The following RBFOX1 variants were observed in gnomAD, a reference collection of about 807,000 sequenced individuals.
RBFOX1 encodes the protein RNA binding fox-1 homolog 1, also known as RNA binding protein fox-1 homolog 1.
In RBFOX1, 8 loss-of-function variants were observed where a neutral mutation model predicts 57.7. The ratio of observed to expected loss-of-function variants is 0.14; its 90% CI spans 0.08 to 0.25. RBFOX1 has a LOEUF of 0.25. RBFOX1 is among the 10% of genes least tolerant of loss of function. RBFOX1 has a pLI of 1.00. For synonymous variants in RBFOX1, 326 were observed against 222.4 expected, an observed-to-expected ratio of 1.47 and a Z score of -4.15; for missense variants, 611 against 548.5, an observed-to-expected ratio of 1.11 and a Z score of -1.14.
intron 4 of RBFOX1, among the ~76,000 whole-genome samples, chr16:7,130,411 A>G (rs1041310108): frequency 6.6e-6 from 1 of 152,182 alleles, no homozygotes; most frequent in African/African-American, 2.4e-5. Flanking sequence ...CTCTGAGCGT[A>G]TTCACATTAT....
intron 1 of RBFOX1, among the ~76,000 whole-genome samples, chr16:6,270,800 G>T (rs1274378035): frequency 6.6e-6 from 1 of 152,008 alleles, no homozygotes; most frequent in Non-Finnish European, 1.5e-5. Flanking sequence ...GAGATATCCT[G>T]GGCCATAAAA....
At chr16:7,616,065 G>A (rs2058388688) in intron 10 of RBFOX1, among the ~76,000 whole-genome samples, 1 of 152,204 alleles carries the variant, frequency 6.6e-6, no homozygotes, top group Non-Finnish European at 1.5e-5. Context: ...CTCCAGAAGG[G>A]AAAAGCATAA....
intron 4 of RBFOX1, among the ~76,000 whole-genome samples, chr16:7,285,662 A>G (rs557982016): frequency 6.6e-6 from 1 of 151,870 alleles, no homozygotes; most frequent in Admixed American, 6.6e-5. Flanking sequence ...ACATTTTTTG[A>G]TCAACGTAAT....
At position 7,187,249 on chromosome 16, in the gene RBFOX1, A is replaced by G. The variant is rs117720331; in HGVS notation, c.27+135151A>G. ...GAAATCATATGTAAGAAGAGTAGGA[A>G]CAAGTAGCATAACACAGGATATAAA... On this transcript the variant is annotated intron_variant, in intron 4 of 15. Transcript: ENST00000550418. Among the ~76,000 whole-genome samples, 1,486 of 152,258 alleles carry G rather than the reference A, an allele frequency of 9.8e-3. 58 individuals carry two copies. The East Asian group carries it at 0.12, about 12-fold the overall frequency.
At chr16:5,678,471 T>A (rs1002917570) in intron 3 of RBFOX1, among the ~76,000 whole-genome samples, 3 of 152,196 alleles carry the variant, frequency 2.0e-5, no homozygotes, top group African/African-American at 7.2e-5. Context: ...ATTTAGGGCA[T>A]ATGTGCAAGC....
rs559938490 is a variant in RBFOX1 at position 6,271,392 on chromosome 16, C to G, written c.-126-45603C>G. Among the ~76,000 whole-genome samples the G allele has an allele frequency of 2.0e-5, 3 of 152,090 alleles. No homozygotes were observed. The South Asian group carries it at 6.2e-4, about 32-fold the overall frequency. On this transcript the variant is annotated intron_variant, in intron 1 of 15. Transcript: ENST00000550418. ...TGAGTCGAGAGTGACCACTGCACTTCAGCTGGAGCGACAGAGCAAGACCCT... is the reference window on the plus strand; with the variant it reads ...TGAGTCGAGAGTGACCACTGCACTTGAGCTGGAGCGACAGAGCAAGACCCT...
intron 2 of RBFOX1, among the ~76,000 whole-genome samples, chr16:5,557,250 A>G (rs981509736): frequency 6.7e-6 from 1 of 149,332 alleles, no homozygotes; most frequent in Non-Finnish European, 1.5e-5. Context: ...ACAGAGTGAG[A>G]CTCCATCTCA....
chr16:6,649,166 A>G (rs1163907961), intron 2 of RBFOX1, among the ~76,000 whole-genome samples: 1 of 152,102 alleles, frequency 6.6e-6, no homozygotes, highest in Admixed American at 6.6e-5. Flanking sequence ...ACTTTTTAGT[A>G]TATTTTTTGT....
chr16:6,867,487 G>A (rs1224486355), intron 3 of RBFOX1, among the ~76,000 whole-genome samples: 1 of 152,068 alleles, frequency 6.6e-6, no homozygotes, highest in African/African-American at 2.4e-5. Flanking sequence ...GGGGGGCCGA[G>A]ACAGGCGGAT....
At chr16:6,165,877 A>C (rs918028963) in intron 1 of RBFOX1, among the ~76,000 whole-genome samples, 5 of 152,192 alleles carry the variant, frequency 3.3e-5, no homozygotes, top group Non-Finnish European at 5.9e-5. Context: ...CAAATGGTAA[A>C]ATGGGCCAAT....
intron 4 of RBFOX1, among the ~76,000 whole-genome samples, chr16:7,430,129 A>T (rs554598859): frequency 2.0e-5 from 3 of 152,250 alleles, no homozygotes; most frequent in Non-Finnish European, 4.4e-5. Context: ...CACTAAGTCT[A>T]TAATCCAACC....
At chr16:6,648,437 A>T (rs933677931) in intron 2 of RBFOX1, among the ~76,000 whole-genome samples, 6 of 152,048 alleles carry the variant, frequency 3.9e-5, no homozygotes, top group African/African-American at 1.4e-4. Flanking sequence ...TTATGTGCGG[A>T]TGAGGGAAAT....
chr16:6,973,458 T>C (rs1451969035), intron 3 of RBFOX1, among the ~76,000 whole-genome samples: 2 of 152,176 alleles, frequency 1.3e-5, no homozygotes, highest in East Asian at 3.9e-4. Flanking sequence ...ATGCAAGTAA[T>C]AGACTGTTGT....
intron 2 of RBFOX1, among the ~76,000 whole-genome samples, chr16:6,540,017 C>T (rs1396323786): frequency 1.3e-5 from 2 of 152,122 alleles, no homozygotes; most frequent in Non-Finnish European, 2.9e-5. Flanking sequence ...GTATACACAG[C>T]AACCCTGCAG....
At chr16:7,674,753 T>C (rs1004494720) in intron 13 of RBFOX1, among the ~76,000 whole-genome samples, 6 of 152,202 alleles carry the variant, frequency 3.9e-5, no homozygotes, top group African/African-American at 1.4e-4. Flanking sequence ...ATTTGATGTT[T>C]CTACTATACA....
At chr16:7,661,984 A>T (rs746704427) in intron 12 of RBFOX1, among the ~76,000 whole-genome samples, 7 of 151,872 alleles carry the variant, frequency 4.6e-5, no homozygotes, top group Non-Finnish European at 1.0e-4. Flanking sequence ...TAGGCTTGAC[A>T]TGGAGGCACA....
At chr16:7,355,087 T>A (rs534107836) in intron 4 of RBFOX1, among the ~76,000 whole-genome samples, 2 of 152,318 alleles carry the variant, frequency 1.3e-5, no homozygotes, top group African/African-American at 4.8e-5. Context: ...CCCAAAACTC[T>A]AACAGGTAGC....
At chr16:7,585,264 A>G (rs893193858) in intron 6 of RBFOX1, among the ~76,000 whole-genome samples, 3 of 152,146 alleles carry the variant, frequency 2.0e-5, no homozygotes, top group African/African-American at 7.2e-5. Flanking sequence ...CAAATCCTTC[A>G]TTTCCCCAAT....
chr16:7,415,634 A>G (rs553605146), intron 4 of RBFOX1, among the ~76,000 whole-genome samples: 3 of 152,264 alleles, frequency 2.0e-5, no homozygotes, highest in Admixed American at 1.3e-4. Flanking sequence ...GGTTCCCAGC[A>G]TTGTATTCTC....
Sources: gnomAD v4.1 joint callset for allele counts (sites outside exome capture counted in the v4.1 genomes callset) on GRCh38, gnomAD v4.1.1 for gene constraint, MANE v1.5 for transcripts, NCBI Gene and HGNC (gene_info 2026-07-23, HGNC 2026-07-21) for gene names.